The following PTK2 variants were observed in gnomAD, a reference collection of about 807,000 sequenced individuals.
The protein encoded by PTK2 is protein tyrosine kinase 2.
Under a neutral mutation model 150.1 loss-of-function variants are expected in PTK2, and 45 were observed. That is an observed-to-expected ratio of 0.30 (90% confidence interval 0.24 to 0.38). The LOEUF is 0.38. Among genes scored for constraint, PTK2 ranks in the 10% least tolerant of loss-of-function variants. PTK2 has a pLI of 1.00. For synonymous variants in PTK2, 432 were observed against 449.2 expected, an observed-to-expected ratio of 0.96 and a Z score of 0.48; for missense variants, 919 against 1,307.3, an observed-to-expected ratio of 0.70 and a Z score of 4.58.
chr8:140,920,327 G>C (rs1162017797), intron 2 of PTK2, among the ~76,000 whole-genome samples: 2 of 152,052 alleles, frequency 1.3e-5, no homozygotes, highest in East Asian at 3.9e-4. Flanking sequence ...CAACATTAAA[G>C]AAGAAAATTG....
At chr8:140,876,047 A>G (rs975426319) in intron 4 of PTK2, among the ~76,000 whole-genome samples, 1 of 152,204 alleles carries the variant, frequency 6.6e-6, no homozygotes, top group Non-Finnish European at 1.5e-5. Context: ...CGATATTAAC[A>G]GGGTATAATC....
At chr8:140,979,884 G>A (rs985000450) in intron 1 of PTK2, among the ~76,000 whole-genome samples, 4 of 152,208 alleles carry the variant, frequency 2.6e-5, no homozygotes, top group Non-Finnish European at 5.9e-5. Context: ...CATGTGGAAT[G>A]TAAGTCAATT....
intron 5 of PTK2, among the ~76,000 whole-genome samples, chr8:140,852,483 T>C (rs2100129921): frequency 6.6e-6 from 1 of 152,234 alleles, no homozygotes; most frequent in African/African-American, 2.4e-5. Flanking sequence ...TAAATTAGGT[T>C]TGCAGTCTAG....
chr8:140,996,184 AC>A (rs2100197708), intron 1 of PTK2, among the ~76,000 whole-genome samples: 2 of 152,344 alleles, frequency 1.3e-5, no homozygotes, highest in South Asian at 4.1e-4. Context: ...CATTCCCTTG[AC>A]CCAAGGCCTA....
chr8:140,977,863 C>G (rs1469096118), intron 1 of PTK2, among the ~76,000 whole-genome samples: 3 of 151,970 alleles, frequency 2.0e-5, no homozygotes, highest in South Asian at 2.1e-4. Flanking sequence ...AACTTTAGTT[C>G]CCTACAGTAA....
intron 1 of PTK2, among the ~76,000 whole-genome samples, chr8:140,979,747 T>C (rs754530467): frequency 1.4e-4 from 21 of 152,158 alleles, no homozygotes; most frequent in Non-Finnish European, 2.8e-4. Flanking sequence ...TGATACTAAG[T>C]TTCATGAGAT....
At chr8:140,937,703 CAAAATACAT>C (rs1310930138) in intron 1 of PTK2, among the ~76,000 whole-genome samples, 1 of 152,010 alleles carries the variant, frequency 6.6e-6, no homozygotes, top group Non-Finnish European at 1.5e-5. Context: ...TTCCTAGTCC[CAAAATACAT>C]CAAATACATT....
chr8:140,846,301 C>A, exon 7 of PTK2: 1 of 1,612,416 alleles, frequency 6.2e-7, no homozygotes, highest in Non-Finnish European at 8.5e-7. Flanking sequence ...GTGCATTGCC[C>A]CGCATCTCCC....
At chr8:140,847,469 C>A (rs570918976) in intron 5 of PTK2, among the ~76,000 whole-genome samples, 1 of 152,114 alleles carries the variant, frequency 6.6e-6, no homozygotes, top group South Asian at 2.1e-4. Context: ...GAAATGTGTA[C>A]AATTTCCTTG....
At chr8:140,800,686 G>A in intron 11 of PTK2, 110 bp from the exon 12 acceptor site, 1 of 766,858 alleles carries the variant, frequency 1.3e-6, no homozygotes, top group Non-Finnish European at 2.2e-6. Context: ...AGAGAAGAGT[G>A]GGAATGAAAC....
intron 5 of PTK2, among the ~76,000 whole-genome samples, chr8:140,860,120 C>A (rs2100135187): frequency 6.6e-6 from 1 of 152,108 alleles, no homozygotes; most frequent in African/African-American, 2.4e-5. Flanking sequence ...GCTGTTAATA[C>A]CTTCCACATC....
At chr8:140,838,189 A>G (rs2100119968) in intron 7 of PTK2, among the ~76,000 whole-genome samples, 1 of 152,246 alleles carries the variant, frequency 6.6e-6, no homozygotes, top group Non-Finnish European at 1.5e-5. Flanking sequence ...TCTTATTAGA[A>G]AGGAAAAAGA....
intron 11 of PTK2, among the ~76,000 whole-genome samples, chr8:140,802,763 C>T (rs2100095858): frequency 6.6e-6 from 1 of 151,962 alleles, no homozygotes; most frequent in East Asian, 1.9e-4. Flanking sequence ...TTACAATTGC[C>T]TAAAGTATTC....
intron 14 of PTK2, among the ~76,000 whole-genome samples, chr8:140,768,334 C>T (rs2100073573): frequency 6.6e-6 from 1 of 152,154 alleles, no homozygotes; most frequent in Non-Finnish European, 1.5e-5. Context: ...GTACACTTGC[C>T]CTGGCTAATT....
rs117356881 is a variant in PTK2 at position 140,806,580 on chromosome 8, T to C, written c.868-2930A>G. Among the ~76,000 whole-genome samples the C allele has an allele frequency of 2.8e-3, 424 of 152,300 alleles. 4 individuals are homozygous for C. The Middle Eastern group carries it at 0.041, about 15-fold the overall frequency. Reference sequence around the variant, plus strand: ...GTTATGGAAATTATATTTTTTAAAATTGTTTTTCTGCCTCACTCTGGCATT... The same window carrying C: ...GTTATGGAAATTATATTTTTTAAAACTGTTTTTCTGCCTCACTCTGGCATT... On this transcript the variant is annotated intron_variant, in intron 10 of 31. Transcript: ENST00000522684.
intron 8 of PTK2, among the ~76,000 whole-genome samples, 194 bp downstream of exon 8, chr8:140,830,278 G>A (rs536505468): frequency 2.0e-5 from 3 of 152,172 alleles, no homozygotes; most frequent in Non-Finnish European, 2.9e-5. Flanking sequence ...GTAAAACCAT[G>A]TTTTATGGGA....
upstream of PTK2, chr8:141,002,033 A>T (rs2100200365): frequency 6.6e-6 from 1 of 152,196 alleles, no homozygotes; most frequent in African/African-American, 2.4e-5. Flanking sequence ...GCTCCAGGAA[A>T]AGGAGGGAAG....
chr8:140,792,341 C>T (rs1566484947), intron 13 of PTK2, among the ~76,000 whole-genome samples: 1 of 152,196 alleles, frequency 6.6e-6, no homozygotes, highest in Non-Finnish European at 1.5e-5. Context: ...AATGAGCTTT[C>T]TCAGTAGGCA....
At chr8:140,917,336 T>C (rs1308219906) in intron 2 of PTK2, among the ~76,000 whole-genome samples, 1 of 144,198 alleles carries the variant, frequency 6.9e-6, no homozygotes, top group African/African-American at 2.6e-5. Flanking sequence ...AGCAAGACTC[T>C]GCCAGGAAAG....
Sources: allele counts gnomAD v4.1 joint callset (sites outside exome capture counted in the v4.1 genomes callset), GRCh38; gene constraint gnomAD v4.1.1; transcripts MANE v1.5; gene names NCBI Gene and HGNC (gene_info 2026-07-23, HGNC 2026-07-21).